NRXN2: variants seen among roughly 807,000 people sequenced by gnomAD.
NRXN2 encodes the protein neurexin 2.
In NRXN2, 29 loss-of-function variants were observed where a neutral mutation model predicts 128.8. The ratio of observed to expected loss-of-function variants is 0.23; its 90% CI spans 0.17 to 0.31. NRXN2 has a LOEUF of 0.31. Among genes scored for constraint, NRXN2 ranks in the 10% least tolerant of loss-of-function variants. NRXN2 has a pLI of 1.00. For missense variants in NRXN2, 1,881 were observed against 2,452.6 expected (o/e 0.77, Z 4.92); for synonymous variants, 1,098 against 1,075.2 (o/e 1.02, Z -0.41).
At chr11:64,693,247 GAA>G (rs35035960) in intron 3 of NRXN2, among the ~76,000 whole-genome samples, 1 of 142,516 alleles carries the variant, frequency 7.0e-6, no homozygotes. Flanking sequence ...CTTCTTGCCG[GAA>G]AAAAAAAAAG....
At chr11:64,644,466 C>A (rs930369431) in intron 17 of NRXN2, among the ~76,000 whole-genome samples, 29 of 152,174 alleles carry the variant, frequency 1.9e-4, no homozygotes, top group African/African-American at 6.5e-4. Flanking sequence ...TAGGACAAAA[C>A]CCTTCCTGGG....
rs1229996601 is a variant in NRXN2 at position 64,606,485 on chromosome 11, G to T, written c.*711C>A. 1 of 122,162 alleles carries T rather than the reference G, an allele frequency of 8.2e-6. No homozygotes were observed. Among genetic ancestry groups the T allele is most frequent in the African/African-American group, 3.3e-5 (1 of 30,594 alleles). The allele number at this position is 122,162 out of a possible 1,614,324, so 7.6% of individuals were successfully genotyped here. A position where few individuals can be genotyped will look rare whatever the true frequency, so the allele number is the denominator to read the frequency against. ...CTCCTCCAGCAGCTTCCCCATCAAT[G>T]CACGTCGCCCGGCGGCACACACAGA... On this transcript the variant is annotated 3_prime_UTR_variant, in exon 23 of 23. Coordinates refer to ENST00000265459, the MANE Select transcript of NRXN2 (RefSeq NM_015080.4).
chr11:64,663,995 A>G (rs138235457), intron 9 of NRXN2, among the ~76,000 whole-genome samples: 112 of 152,342 alleles, frequency 7.4e-4, no homozygotes, highest in African/African-American at 2.6e-3. Context: ...GAGTAGCCAG[A>G]TTCTTACACA....
In NRXN2 at chr11:64,660,283, A is replaced by G. The variant is rs2048837537; in HGVS notation, c.2389+49T>C. 6.3e-7 allele frequency: 1 copy of G among 1,592,256 alleles called. No homozygotes were observed. Among genetic ancestry groups the G allele is most frequent in the South Asian group, 1.1e-5 (1 of 90,582 alleles). ...CTCCAGACAGAGGCAGGTGTGGGTC[A>G]GAGACAAGGCCAGGTGAGGGGTCAG... On this transcript the variant is annotated intron_variant, in intron 11 of 22. Coordinates refer to ENST00000265459, the MANE Select transcript of NRXN2 (RefSeq NM_015080.4). This position sits in a 1 kb window ranked among gnomAD's most constrained non-coding sequence, Gnocchi z 5.2.
rs2518907 is a variant in NRXN2, at chr11:64,713,169, G to C, written c.531C>G (p.Gly177=). 6.9e-7 allele frequency: 1 copy of C among 1,459,656 alleles called. No homozygotes were observed. Among genetic ancestry groups the C allele is most frequent in the South Asian group, 1.3e-5 (1 of 76,812 alleles). 90.4% of individuals were successfully genotyped at this position (1,459,656 alleles called of 1,614,324 possible). Residue 177 remains glycine, a synonymous_variant, in exon 2 of 23, where the codon GGC becomes GGG. Coordinates refer to ENST00000265459, the MANE Select transcript of NRXN2 (RefSeq NM_015080.4). ...STVKYEPPFR[G]LLANLKLGER... ...CGCCCAGCTTCAGGTTGGCCAAGAG[G>C]CCGCGGAAGGGCGGCTCGTACTTGA...
At chr11:64,699,678 G>C in intron 2 of NRXN2, among the ~76,000 whole-genome samples, 1 of 152,086 alleles carries the variant, frequency 6.6e-6, no homozygotes, top group East Asian at 1.9e-4. Context: ...CTCCCAAAGT[G>C]CTGGGATTAC....
chr11:64,708,126 A>C (rs996294793), intron 2 of NRXN2, among the ~76,000 whole-genome samples: 22 of 151,616 alleles, frequency 1.5e-4, no homozygotes, highest in Admixed American at 2.6e-4. Flanking sequence ...CAACTCCCAG[A>C]GCACAGAGTC....
rs780632178 is a variant in NRXN2 at position 64,622,905 on chromosome 11, C to T, written c.4021G>A (p.Gly1341Arg). 8.7e-6 allele frequency: 14 copies of T among 1,613,196 alleles called. No individual in the cohort carries two copies. The South Asian group carries it at 1.3e-4, about 15-fold the overall frequency. The change falls in exon 21 of 23, where the codon GGG becomes AGG. Residue 1341 changes from glycine (G) to arginine (R), a missense_variant. Gly to Arg is a moderately radical substitution (Grantham distance 125). Around this residue, in one of 7 missense-constraint regions of NRXN2, gnomAD observed 108 missense variants for 165.2 expected, o/e 0.65. Coordinates refer to ENST00000265459, the MANE Select transcript of NRXN2 (RefSeq NM_015080.4). This position sits in a 1 kb window ranked among gnomAD's most constrained non-coding sequence, Gnocchi z 4.3. ...VRTEGHLRLV[G>R]EGPSVLLSAE... ...CTGAGCAGCACGGACGGCCCCTCCC[C>T]CACCAGGCGCAGGTGACCCTCAGTC...
At chr11:64,646,988 A>C (rs548032305) in intron 17 of NRXN2, among the ~76,000 whole-genome samples, 89 of 152,080 alleles carry the variant, frequency 5.9e-4, no homozygotes, top group African/African-American at 2.1e-3. Context: ...TTTTTTTCAA[A>C]GGGGAAAGAA....
chr11:64,685,610 A>ATAGC, intron 6 of NRXN2, 36 bp downstream of exon 6: 1 of 1,612,096 alleles, frequency 6.2e-7, no homozygotes, highest in Non-Finnish European at 8.5e-7. Flanking sequence ...TACCCCAGGT[A>ATAGC]TAGCTAATCC....
In NRXN2 at chr11:64,635,357, C is replaced by T. The variant is rs372208408; in HGVS notation, c.3499G>A (p.Val1167Met). 12 of 1,613,608 alleles carry T rather than the reference C, an allele frequency of 7.4e-6. No individual in the cohort carries two copies. The highest frequency in any genetic ancestry group is 5.3e-5 in the African/African-American group (4 of 75,046). Reference protein sequence around the residue: ...RPSTRMDRLAVGFSTHQRSAV... With the variant: ...RPSTRMDRLAMGFSTHQRSAV... ...CTCCGCTGGTGGGTGCTGAAGCCCA[C>T]GGCCAGGCGATCCATCCTCGTGCTG... Residue 1167 changes from valine to methionine, a missense_variant, in exon 18 of 23, where the codon GTG becomes ATG. Coordinates refer to ENST00000265459, the MANE Select transcript of NRXN2 (RefSeq NM_015080.4). This position sits in a 1 kb window ranked among gnomAD's most constrained non-coding sequence, Gnocchi z 4.8.
Position 64,630,392 on chromosome 11 carries a change from C to G in NRXN2, c.3757+10G>C. ...CCACCGCGCCTCCTCCGCGGGCCCG[C>G]GCCGCCTACCTGCCGGGTACCGCTC... On this transcript the variant is annotated intron_variant, in intron 19 of 22. Transcript: ENST00000265459. This position sits in a 1 kb window ranked among gnomAD's most constrained non-coding sequence, Gnocchi z 4.6. 6.2e-7 allele frequency: 1 copy of G among 1,607,214 alleles called. No homozygotes were observed. Among genetic ancestry groups the G allele is most frequent in the South Asian group, 1.1e-5 (1 of 90,938 alleles).
At chr11:64,668,675 T>C in intron 7 of NRXN2, 71 bp from the exon 8 acceptor site, 1 of 1,582,938 alleles carries the variant, frequency 6.3e-7, no homozygotes, top group South Asian at 1.1e-5. Context: ...GAGCTACGGC[T>C]AGGCAAAGGA....
chr11:64,615,935 T>C (rs2041433964), intron 22 of NRXN2, among the ~76,000 whole-genome samples: 1 of 152,090 alleles, frequency 6.6e-6, no homozygotes, highest in Non-Finnish European at 1.5e-5. Context: ...TGTGTACATA[T>C]GTATTCTTCT....
intron 22 of NRXN2, among the ~76,000 whole-genome samples, chr11:64,617,675 T>G (rs372768424): frequency 1.7e-3 from 252 of 152,256 alleles, no homozygotes; most frequent in African/African-American, 5.5e-3. Flanking sequence ...CCTCTGACAC[T>G]GGAGCCAAGG....
intron 7 of NRXN2, among the ~76,000 whole-genome samples, chr11:64,669,229 G>A (rs2135515444): frequency 6.6e-6 from 1 of 152,220 alleles, no homozygotes; most frequent in Admixed American, 6.5e-5. Flanking sequence ...GCCTATTGGG[G>A]TTGATTTCCA....
In NRXN2 at chr11:64,607,732, G is replaced by A. The variant is rs1227987724; in HGVS notation, c.4603C>T (p.Arg1535Trp). ...TLLSPRKPAP[R>W]PNLRTDGATG... Reference sequence around the variant, plus strand: ...GCCCCATCTGTCCTGAGGTTGGGCCGGGGAGCGGGTTTGCGGGGTGACAGG... The same window carrying A: ...GCCCCATCTGTCCTGAGGTTGGGCCAGGGAGCGGGTTTGCGGGGTGACAGG... The change falls in exon 23 of 23, where the codon CGG becomes TGG. Residue 1535 changes from arginine (R) to tryptophan (W), a missense_variant. This residue lies in a region of NRXN2 where 310 missense variants were observed against 318.2 expected (regional missense o/e 0.97). Coordinates refer to ENST00000265459, the MANE Select transcript of NRXN2 (RefSeq NM_015080.4). The A allele has an allele frequency of 3.2e-6, 5 of 1,570,390 alleles. No homozygotes were observed. Among genetic ancestry groups the A allele is most frequent in the African/African-American group, 1.4e-5 (1 of 73,888 alleles).
At chr11:64,692,456 A>C (rs1212908558) in intron 4 of NRXN2, among the ~76,000 whole-genome samples, 1 of 152,204 alleles carries the variant, frequency 6.6e-6, no homozygotes, top group Non-Finnish European at 1.5e-5. Flanking sequence ...AATGATCAGA[A>C]TGAGTGGAAG....
At chr11:64,609,259 C>G (rs940064026) in intron 22 of NRXN2, among the ~76,000 whole-genome samples, 2 of 152,076 alleles carry the variant, frequency 1.3e-5, no homozygotes, top group Non-Finnish European at 2.9e-5. Flanking sequence ...TCCCCCCTCC[C>G]CCTCCCCAGA....
Sources: allele counts gnomAD v4.1 joint callset (sites outside exome capture counted in the v4.1 genomes callset), GRCh38; gene constraint gnomAD v4.1.1; regional missense constraint gnomAD v4.1.1; non-coding constraint Gnocchi (gnomAD v3.1); transcripts MANE v1.5; gene names NCBI Gene and HGNC (gene_info 2026-07-23, HGNC 2026-07-21).